MIPOL1: variants seen among roughly 807,000 people sequenced by gnomAD.
The protein encoded by MIPOL1 is mirror-image polydactyly gene 1 protein.
A neutral mutation model predicts 60.9 loss-of-function variants in MIPOL1; 57 were observed. The observed-to-expected ratio is 0.94, with a 90% CI of 0.76 to 1.17. MIPOL1 has a LOEUF of 1.17. Ranked by LOEUF, MIPOL1 falls within the 50% of genes most tolerant of loss-of-function variation. The probability of loss-of-function intolerance (pLI) is 0.00; values close to 1 mark genes in which losing one functional copy is unlikely to be tolerated. For synonymous variants in MIPOL1, 179 were observed against 168.8 expected, an observed-to-expected ratio of 1.06 and a Z score of -0.47; for missense variants, 551 against 511.6, an observed-to-expected ratio of 1.08 and a Z score of -0.74.
At chr14:37,242,982 T>C (rs1972592283) in intron 1 of MIPOL1, among the ~76,000 whole-genome samples, 1 of 152,094 alleles carries the variant, frequency 6.6e-6, no homozygotes, top group African/African-American at 2.4e-5. Context: ...AATAGCAAGA[T>C]AAAAGCTCTG....
chr14:37,371,387 G>T (rs2092634317), intron 10 of MIPOL1, among the ~76,000 whole-genome samples: 1 of 152,030 alleles, frequency 6.6e-6, no homozygotes, highest in African/African-American at 2.4e-5. Context: ...AGAAATTTCT[G>T]CTAACTGAAG....
chr14:37,497,485 GC>G (rs2095149736), intron 11 of MIPOL1, among the ~76,000 whole-genome samples: 1 of 152,148 alleles, frequency 6.6e-6, no homozygotes, highest in South Asian at 2.1e-4. Flanking sequence ...AAAAAGCATT[GC>G]CATTAAAGAA....
At chr14:37,293,838 C>T (rs1374118540) in intron 7 of MIPOL1, among the ~76,000 whole-genome samples, 1 of 152,210 alleles carries the variant, frequency 6.6e-6, no homozygotes. Flanking sequence ...GGGCCCACCA[C>T]AGCTCAAGGA....
At chr14:37,498,398 G>T (rs145525907) in intron 11 of MIPOL1, among the ~76,000 whole-genome samples, 7 of 152,060 alleles carry the variant, frequency 4.6e-5, no homozygotes, top group African/African-American at 1.7e-4. Context: ...CTTTTAGTTT[G>T]TTTCTTCTTT....
In MIPOL1 at chr14:37,308,383, C is replaced by T. The variant is rs758750868; in HGVS notation, c.692C>T (p.Ala231Val). The T allele has an allele frequency of 5.7e-6, 9 of 1,587,512 alleles. No homozygotes were observed. In the East Asian group the frequency reaches 1.8e-4, roughly 32 times the overall value. Residue 231 changes from alanine to valine, a missense_variant, in exon 9 of 13, where the codon GCA (alanine) becomes GTA (valine). Coordinates refer to ENST00000684589, the MANE Select transcript of MIPOL1 (RefSeq NM_001388067.1). The part of the protein sequence containing the change: ...LQELLNRINN[A>V]DTGIAIQKNG... ...GAATTACTGAACAGAATAAACAATG[C>T]AGACACAGGGATAGCTATTCAGAAG...
chr14:37,375,001 C>A (rs2092736262), intron 10 of MIPOL1, among the ~76,000 whole-genome samples: 1 of 152,046 alleles, frequency 6.6e-6, no homozygotes, highest in African/African-American at 2.4e-5. Flanking sequence ...GATATTGATT[C>A]TTCTATCCAT....
Position 37,247,817 on chromosome 14 carries a change from G to A in MIPOL1, c.-60-12G>A. On this transcript the variant is annotated splice_polypyrimidine_tract_variant and intron_variant, in intron 2 of 12. Transcript: ENST00000684589. The stretch of plus-strand genomic sequence containing the variant: ...TTTTCAGTTTATTTATCTAGAGTTG[G>A]CTTTATTTTAGCTGCAAATCTTGGA... 6.6e-7 allele frequency: 1 copy of A among 1,511,518 alleles called. No homozygotes were observed. The highest frequency in any genetic ancestry group is 9.2e-7 in the Non-Finnish European group (1 of 1,090,934). The allele number at this position is 1,511,518 out of a possible 1,614,324, so 93.6% of individuals were successfully genotyped here.
At chr14:37,301,789 C>T (rs188672468) in intron 7 of MIPOL1, among the ~76,000 whole-genome samples, 624 of 16,174 alleles carry the variant, frequency 0.039, 284 homozygotes, top group African/African-American at 0.048. Context: ...CCCTCCCCAA[C>T]TCTGTGGCAA....
chr14:37,198,556 A>G (rs1250464768), intron 1 of MIPOL1, among the ~76,000 whole-genome samples: 1 of 151,624 alleles, frequency 6.6e-6, no homozygotes, highest in East Asian at 1.9e-4. Flanking sequence ...GCGCTAAGCC[A>G]TGCTGTAAAA....
At chr14:37,420,475 A>G (rs1446043125) in intron 10 of MIPOL1, among the ~76,000 whole-genome samples, 2 of 152,160 alleles carry the variant, frequency 1.3e-5, no homozygotes, top group African/African-American at 4.8e-5. Context: ...AATTTCCTTG[A>G]TATTTTTGAT....
At chr14:37,311,498 T>C (rs2087317769) in intron 9 of MIPOL1, among the ~76,000 whole-genome samples, 1 of 152,216 alleles carries the variant, frequency 6.6e-6, no homozygotes, top group South Asian at 2.1e-4. Context: ...AGGAGTTGTT[T>C]AGTTATTTTA....
chr14:37,500,991 A>G (rs2095207543), intron 12 of MIPOL1, among the ~76,000 whole-genome samples: 1 of 152,124 alleles, frequency 6.6e-6, no homozygotes, highest in African/African-American at 2.4e-5. Flanking sequence ...GCTCACATCA[A>G]GGTTTCTTAC....
intron 12 of MIPOL1, among the ~76,000 whole-genome samples, chr14:37,533,612 C>CA (rs1406083304): frequency 6.6e-6 from 1 of 151,930 alleles, no homozygotes; most frequent in African/African-American, 2.4e-5. Flanking sequence ...CAGAATAAGG[C>CA]AAAAAGAGGG....
chr14:37,497,530 A>G (rs1460350628), intron 11 of MIPOL1, among the ~76,000 whole-genome samples: 1 of 152,220 alleles, frequency 6.6e-6, no homozygotes, highest in Non-Finnish European at 1.5e-5. Context: ...TAAATTGAGA[A>G]CTTACCTTCA....
rs2090774832 is a variant in MIPOL1 at position 37,344,193 on chromosome 14, C to T, written c.829-25324C>T. Among the ~76,000 whole-genome samples the T allele has an allele frequency of 2.6e-5, 4 of 152,106 alleles. No homozygotes were observed. In the South Asian group the frequency reaches 8.3e-4, roughly 32 times the overall value. On this transcript the variant is annotated intron_variant, in intron 9 of 12. Transcript: ENST00000684589. Reference sequence around the variant, plus strand: ...CAATACCTCATAAATATTATAATTTCACCTCTTTCTTTTGAATCTATAAAT... The same window carrying T: ...CAATACCTCATAAATATTATAATTTTACCTCTTTCTTTTGAATCTATAAAT...
Position 37,431,569 on chromosome 14 carries a change from C to CTTTTTTTTTTTTTTTTT in MIPOL1, c.1031+8631_1031+8647dup, listed in dbSNP as rs869258490. On this transcript the variant is annotated intron_variant, in intron 11 of 12. Transcript: ENST00000684589. The stretch of plus-strand genomic sequence containing the variant: ...CTTGATATTGCTGCCATCTCTGTTT[C>CTTTTTTTTTTTTTTTTT]TTTTTTTTTTTTTTTTTTTTTTTTT... Among the ~76,000 whole-genome samples the CTTTTTTTTTTTTTTTTT allele has an allele frequency of 6.2e-5, 4 of 64,852 alleles. 1 individual carries two copies. The highest frequency in any genetic ancestry group is 5.6e-4 in the East Asian group (1 of 1,782). The allele number at this position is 64,852 out of a possible 152,430, so 42.5% of individuals were successfully genotyped here. A position where few individuals can be genotyped will look rare whatever the true frequency, so the allele number is the denominator to read the frequency against.
chr14:37,335,988 A>G (rs1229217101), intron 9 of MIPOL1, among the ~76,000 whole-genome samples: 1 of 151,540 alleles, frequency 6.6e-6, no homozygotes, highest in Non-Finnish European at 1.5e-5. Context: ...ATGTCATGAA[A>G]TTTTTTCCCT....
chr14:37,399,633 TG>T (rs2093443557), intron 10 of MIPOL1, among the ~76,000 whole-genome samples: 1 of 152,140 alleles, frequency 6.6e-6, no homozygotes, highest in Non-Finnish European at 1.5e-5. Context: ...AAAGATGGGT[TG>T]TTAACTTTCA....
At chr14:37,444,607 T>C (rs2094303257) in intron 11 of MIPOL1, among the ~76,000 whole-genome samples, 1 of 152,196 alleles carries the variant, frequency 6.6e-6, no homozygotes, top group African/African-American at 2.4e-5. Flanking sequence ...AATACCTGAT[T>C]TCAAGATATA....
Sources: allele counts gnomAD v4.1 joint callset (sites outside exome capture counted in the v4.1 genomes callset), GRCh38; gene constraint gnomAD v4.1.1; transcripts MANE v1.5; gene names NCBI Gene and HGNC (gene_info 2026-07-23, HGNC 2026-07-21).